CNPY1: variants seen among roughly 807,000 people sequenced by gnomAD.
CNPY1 encodes canopy FGF signaling regulator 1.
CNPY1 carries 14 observed loss-of-function variants against 14.4 expected under a neutral mutation model. The ratio of observed to expected loss-of-function variants is 0.97; its 90% CI spans 0.64 to 1.52. The LOEUF (loss-of-function observed/expected upper bound fraction) is 1.52. Ranked by LOEUF, CNPY1 falls within the 40% of genes most tolerant of loss-of-function variation. The probability of loss-of-function intolerance (pLI) is 0.00; values close to 1 mark genes in which losing one functional copy is unlikely to be tolerated. For missense variants in CNPY1, 129 were observed against 131.5 expected (o/e 0.98, Z 0.09); for synonymous variants, 43 against 46.5 (o/e 0.92, Z 0.31).
intron 2 of CNPY1, among the ~76,000 whole-genome samples, chr7:155,509,459 G>C (rs1407707611): frequency 6.6e-6 from 1 of 152,156 alleles, no homozygotes; most frequent in Admixed American, 6.5e-5. Context: ...CCATCTACTT[G>C]TCAGACAGAG....
intron 2 of CNPY1, among the ~76,000 whole-genome samples, chr7:155,533,504 C>T (rs549419825): frequency 6.6e-5 from 10 of 152,332 alleles, no homozygotes; most frequent in Middle Eastern, 3.4e-3. Context: ...GTGCACGCTC[C>T]GGCCCGCGCA....
At chr7:155,530,567 C>A (rs769840347) in intron 2 of CNPY1, among the ~76,000 whole-genome samples, 1 of 152,220 alleles carries the variant, frequency 6.6e-6, no homozygotes, top group African/African-American at 2.4e-5. Context: ...TGGCCTCAGG[C>A]GATCCTTCTA....
At chr7:155,540,854 C>T (rs946964252) in intron 2 of CNPY1, among the ~76,000 whole-genome samples, 1 of 152,312 alleles carries the variant, frequency 6.6e-6, no homozygotes, top group South Asian at 2.1e-4. Context: ...TACCCTCATT[C>T]GGGAGGCCAG....
intron 2 of CNPY1, among the ~76,000 whole-genome samples, chr7:155,537,509 C>A (rs556156082): frequency 6.6e-6 from 1 of 151,620 alleles, no homozygotes; most frequent in Non-Finnish European, 1.5e-5. Flanking sequence ...CTGCAACCTC[C>A]GCCTCCTGGA....
intron 2 of CNPY1, among the ~76,000 whole-genome samples, chr7:155,535,732 C>T (rs990009564): frequency 6.6e-6 from 1 of 152,180 alleles, no homozygotes; most frequent in Admixed American, 6.5e-5. Context: ...AAAGCAAAGC[C>T]CTACACTTCC....
rs751713286 is a variant in CNPY1 at position 155,508,974 on chromosome 7, G to A, written c.223C>T (p.Pro75Ser). 3.7e-6 allele frequency: 6 copies of A among 1,613,826 alleles called. No homozygotes were observed. The South Asian group carries it at 4.4e-5, about 12-fold the overall frequency. The change falls in exon 3 of 5, where the codon CCT becomes TCT. Residue 75 changes from proline (P) to serine (S), a missense_variant. Physicochemically the swap from Pro to Ser is moderately conservative, Grantham distance 74. Coordinates refer to ENST00000636446, the MANE Select transcript of CNPY1 (RefSeq NM_001393663.1). ...TKERTFKRFA[P>S]RKGDKIYQEF... ...TGGTATATTTTGTCTCCTTTCCTAGGAGCGAATCTCTTGAAAGTTCTCTCC... is the reference window on the plus strand; with the variant it reads ...TGGTATATTTTGTCTCCTTTCCTAGAAGCGAATCTCTTGAAAGTTCTCTCC...
chr7:155,522,492 G>A (rs1337804337), intron 2 of CNPY1, among the ~76,000 whole-genome samples: 4 of 152,246 alleles, frequency 2.6e-5, no homozygotes, highest in Non-Finnish European at 5.9e-5. Context: ...TGAGGTTGGC[G>A]GCCCACCCCA....
chr7:155,532,491 G>GCAT (rs1796956237), intron 2 of CNPY1, among the ~76,000 whole-genome samples: 1 of 152,132 alleles, frequency 6.6e-6, no homozygotes, highest in African/African-American at 2.4e-5. Context: ...CACGGTGGTG[G>GCAT]GCGCCTGTAG....
At chr7:155,531,292 G>A (rs1796933293) in intron 2 of CNPY1, among the ~76,000 whole-genome samples, 1 of 152,146 alleles carries the variant, frequency 6.6e-6, no homozygotes, top group Non-Finnish European at 1.5e-5. Flanking sequence ...GAAAATTTGG[G>A]CTCACACTAT....
At chr7:155,540,648 T>C (rs565245805) in intron 2 of CNPY1, among the ~76,000 whole-genome samples, 146 of 152,386 alleles carry the variant, frequency 9.6e-4, no homozygotes, top group Middle Eastern at 3.4e-3. Flanking sequence ...AGGACGCCCC[T>C]GAGCTCTGCT....
At chr7:155,507,352 A>G (rs4716656) in intron 3 of CNPY1, among the ~76,000 whole-genome samples, 43,660 of 151,556 alleles carry the variant, frequency 0.29, 10,651 homozygotes, top group African/African-American at 0.67. Flanking sequence ...GTTGGAAGAC[A>G]TGGGAGCCTG....
At chr7:155,532,368 C>A (rs1165779967) in intron 2 of CNPY1, among the ~76,000 whole-genome samples, 2 of 152,202 alleles carry the variant, frequency 1.3e-5, no homozygotes, top group South Asian at 2.1e-4. Context: ...CACGCTTGTA[C>A]TCCCAGCACT....
At chr7:155,528,346 C>T (rs1421407707) in intron 2 of CNPY1, among the ~76,000 whole-genome samples, 1 of 152,236 alleles carries the variant, frequency 6.6e-6, no homozygotes, top group Non-Finnish European at 1.5e-5. Context: ...GGCCCAGGAG[C>T]CCAGACTCGC....
Position 155,536,885 on chromosome 7 carries a change from A to T in CNPY1, c.99+8946T>A, listed in dbSNP as rs1409039631. On this transcript the variant is annotated intron_variant, in intron 2 of 4. Transcript: ENST00000636446. The surrounding 1 kb of genome is among the most constrained non-coding windows in gnomAD (Gnocchi z 4.1). ...CAGTAAAGAATCATGCCAGCAATTT[A>T]AATAAAAATGAGTGATGGTGTTTCT... Among the ~76,000 whole-genome samples the T allele has an allele frequency of 1.3e-5, 2 of 152,262 alleles. No homozygotes were observed. Among genetic ancestry groups the T allele is most frequent in the Non-Finnish European group, 2.9e-5 (2 of 68,044 alleles).
At chr7:155,504,689 AACAC>A (rs61377945) in intron 4 of CNPY1, among the ~76,000 whole-genome samples, 1,941 of 145,254 alleles carry the variant, frequency 0.013, 24 homozygotes, top group African/African-American at 0.038. Context: ...CATACCCCCC[AACAC>A]ACACACACAC....
intron 2 of CNPY1, among the ~76,000 whole-genome samples, chr7:155,543,818 G>A (rs556375962): frequency 3.5e-4 from 54 of 152,316 alleles, no homozygotes; most frequent in African/African-American, 7.5e-4. Context: ...AGGAGCCCTG[G>A]GCAGAAAGAT....
At chr7:155,512,460 T>C (rs1563088237) in intron 2 of CNPY1, among the ~76,000 whole-genome samples, 1 of 152,174 alleles carries the variant, frequency 6.6e-6, no homozygotes, top group Non-Finnish European at 1.5e-5. Context: ...GCTTGTTGTG[T>C]GAGCAATGGA....
At chr7:155,514,819 G>A (rs1387166137) in intron 2 of CNPY1, among the ~76,000 whole-genome samples, 1 of 152,100 alleles carries the variant, frequency 6.6e-6, no homozygotes, top group Non-Finnish European at 1.5e-5. Context: ...GCTTGAACCC[G>A]GGAGGTGGAG....
chr7:155,527,054 C>CTTTCTTTCTTTCTTTCTTTTT (rs56296833), intron 2 of CNPY1, among the ~76,000 whole-genome samples: 40 of 90,356 alleles, frequency 4.4e-4, no homozygotes, highest in African/African-American at 1.2e-3. Flanking sequence ...TTCTTTCTTT[C>CTTTCTTTCTTTCTTTCTTTTT]TTTTTTTTTT....
Sources: allele counts gnomAD v4.1 joint callset (sites outside exome capture counted in the v4.1 genomes callset), GRCh38; gene constraint gnomAD v4.1.1; non-coding constraint Gnocchi (gnomAD v3.1); transcripts MANE v1.5; gene names NCBI Gene and HGNC (gene_info 2026-07-23, HGNC 2026-07-21).